LRRC7: variants seen among roughly 807,000 people sequenced by gnomAD.
The protein encoded by LRRC7 is leucine rich repeat containing 7, also known as leucine-rich repeat-containing protein 7.
A neutral mutation model predicts 175.7 loss-of-function variants in LRRC7; 23 were observed. The observed-to-expected ratio is 0.13, with a 90% CI of 0.09 to 0.19. The LOEUF (loss-of-function observed/expected upper bound fraction) is 0.19. Ranked by LOEUF, LRRC7 falls within the 10% of genes least tolerant of loss-of-function variation. LRRC7 has a pLI of 1.00. For synonymous variants in LRRC7, 685 were observed against 680.9 expected (o/e 1.01, Z -0.09); for missense variants, 1,354 against 1,904.7 (o/e 0.71, Z 5.38).
intron 7 of LRRC7, among the ~76,000 whole-genome samples, chr1:69,841,703 C>T (rs1370103365): frequency 6.6e-6 from 1 of 152,100 alleles, no homozygotes; most frequent in Non-Finnish European, 1.5e-5. Flanking sequence ...AGTATGAGTG[C>T]CATTAATGAA....
intron 2 of LRRC7, among the ~76,000 whole-genome samples, chr1:69,699,950 C>A (rs1417472976): frequency 6.6e-6 from 1 of 152,196 alleles, no homozygotes; most frequent in East Asian, 1.9e-4. Context: ...GGAAGCCTTT[C>A]TCACTAAACT....
chr1:70,084,161 T>G (rs750134251), intron 24 of LRRC7, among the ~76,000 whole-genome samples: 1 of 152,206 alleles, frequency 6.6e-6, no homozygotes, highest in Non-Finnish European at 1.5e-5. Flanking sequence ...TTTAATGGCT[T>G]TATTGATATA....
chr1:69,912,491 C>T (rs1253948949), intron 7 of LRRC7, among the ~76,000 whole-genome samples: 1 of 152,044 alleles, frequency 6.6e-6, no homozygotes, highest in Non-Finnish European at 1.5e-5. Context: ...TTCTCATAAC[C>T]TTTTGATTGG....
chr1:70,133,716 C>T lies in LRRC7; in HGVS notation c.*11829C>T, dbSNP rs1323095660. Among the ~76,000 whole-genome samples, 1 of 152,160 alleles carries T rather than the reference C, an allele frequency of 6.6e-6. No individual in the cohort carries two copies. Among genetic ancestry groups the T allele is most frequent in the East Asian group, 1.9e-4 (1 of 5,196 alleles). On this transcript the variant is annotated 3_prime_UTR_variant, in exon 27 of 27. Coordinates refer to ENST00000651989, the MANE Select transcript of LRRC7 (RefSeq NM_001370785.2). ...CCTAATGAGACAGAAACCACTTTCT[C>T]AGTGAGGCTTGATTGTTTAAAGTTT... is the stretch of plus-strand genomic sequence containing the variant.
At chr1:69,681,726 T>C (rs1254687149) in intron 2 of LRRC7, among the ~76,000 whole-genome samples, 1 of 152,138 alleles carries the variant, frequency 6.6e-6, no homozygotes, top group East Asian at 1.9e-4. Context: ...ATGTTTTGAT[T>C]TATCTAAGAG....
intron 3 of LRRC7, among the ~76,000 whole-genome samples, chr1:69,766,868 CTG>C (rs1253031357): frequency 6.6e-6 from 1 of 152,248 alleles, no homozygotes; most frequent in Non-Finnish European, 1.5e-5. Flanking sequence ...TAAACTTACA[CTG>C]TCTTTTTTTC....
chr1:69,684,003 T>C (rs1660813762), intron 2 of LRRC7, among the ~76,000 whole-genome samples: 1 of 152,092 alleles, frequency 6.6e-6, no homozygotes, highest in South Asian at 2.1e-4. Context: ...TAAATTGTCA[T>C]AAAGGAATCA....
intron 1 of LRRC7, among the ~76,000 whole-genome samples, chr1:69,633,905 A>T (rs116199378): frequency 6.6e-6 from 1 of 151,948 alleles, no homozygotes; most frequent in Non-Finnish European, 1.5e-5. Flanking sequence ...GTTTGCTGAT[A>T]TATTTTTGTC....
chr1:69,605,239 C>A (rs574566613), intron 1 of LRRC7, among the ~76,000 whole-genome samples: 1 of 152,280 alleles, frequency 6.6e-6, no homozygotes, highest in Non-Finnish European at 1.5e-5. Context: ...CACAAGCTCT[C>A]TTGCCTGCTG....
At chr1:69,738,715 C>T (rs2100844492) in intron 2 of LRRC7, among the ~76,000 whole-genome samples, 1 of 152,096 alleles carries the variant, frequency 6.6e-6, no homozygotes, top group South Asian at 2.1e-4. Flanking sequence ...AAAGGCAAGG[C>T]CTCCCAGGGA....
intron 7 of LRRC7, among the ~76,000 whole-genome samples, chr1:69,887,831 C>G (rs926689360): frequency 6.8e-5 from 10 of 147,446 alleles, no homozygotes; most frequent in Non-Finnish European, 1.3e-4. Context: ...AGTTTTCCTT[C>G]TAACAGACAG....
At chr1:69,568,825 G>A (rs953724508) in intron 1 of LRRC7, among the ~76,000 whole-genome samples, 184 bp downstream of exon 1, 15 of 152,316 alleles carry the variant, frequency 9.8e-5, no homozygotes, top group African/African-American at 3.6e-4. Context: ...GATGTGGTAG[G>A]TTGCAGAGCA....
In LRRC7 at chr1:70,125,153, A is replaced by C. The variant is rs1004615270; in HGVS notation, c.*3266A>C. ...GAATATTCAAAGTCAGTATGAAATA[A>C]AACATTATGCTAATGTATTGCTCAT... On this transcript the variant is annotated 3_prime_UTR_variant, in exon 27 of 27. Transcript: ENST00000651989. Among the ~76,000 whole-genome samples, 19 of 152,256 alleles carry C rather than the reference A, an allele frequency of 1.2e-4. No individual in the cohort carries two copies. Among genetic ancestry groups the C allele is most frequent in the African/African-American group, 4.1e-4 (17 of 41,472 alleles).
intron 8 of LRRC7, 39 bp from the exon 9 acceptor site, chr1:69,980,340 T>G: frequency 6.8e-7 from 1 of 1,479,354 alleles, no homozygotes; most frequent in Non-Finnish European, 9.4e-7. Context: ...CTAATTTAAT[T>G]TTGTTTTCCT....
chr1:69,988,482 G>T (rs1280358287), intron 10 of LRRC7, among the ~76,000 whole-genome samples: 2 of 152,170 alleles, frequency 1.3e-5, no homozygotes, highest in African/African-American at 4.8e-5. Flanking sequence ...ACCTGTGATA[G>T]AATGGAAATC....
At chr1:70,024,864 A>G (rs887229215) in intron 17 of LRRC7, among the ~76,000 whole-genome samples, 18 of 152,192 alleles carry the variant, frequency 1.2e-4, no homozygotes, top group African/African-American at 4.1e-4. Context: ...ACTTCCAAAC[A>G]TAATACAATG....
At chr1:69,617,560 A>AAAAAAAAAAAAAC in intron 1 of LRRC7, among the ~76,000 whole-genome samples, 1 of 149,708 alleles carries the variant, frequency 6.7e-6, no homozygotes, top group Non-Finnish European at 1.5e-5. Flanking sequence ...AAAAAAAAAA[A>AAAAAAAAAAAAAC]AAAAAAAAAA....
intron 2 of LRRC7, among the ~76,000 whole-genome samples, chr1:69,680,938 CTCTCT>C (rs1354670251): frequency 2.0e-5 from 3 of 151,938 alleles, no homozygotes; most frequent in Admixed American, 6.6e-5. Context: ...GTTTTCTTTT[CTCTCT>C]TCTCTTTTTC....
chr1:69,645,340 A>G (rs1249696769), intron 1 of LRRC7, among the ~76,000 whole-genome samples: 1 of 152,068 alleles, frequency 6.6e-6, no homozygotes, highest in Non-Finnish European at 1.5e-5. Flanking sequence ...CAATAACTAT[A>G]AAATACTTAC....
Sources: allele counts gnomAD v4.1 joint callset (sites outside exome capture counted in the v4.1 genomes callset), GRCh38; gene constraint gnomAD v4.1.1; transcripts MANE v1.5; gene names NCBI Gene and HGNC (gene_info 2026-07-23, HGNC 2026-07-21).